RUNDC1: variants seen among roughly 807,000 people sequenced by gnomAD.
RUNDC1 encodes the protein RUN domain-containing protein 1.
In RUNDC1, 31 loss-of-function variants were observed where a neutral mutation model predicts 49.3. The observed-to-expected ratio is 0.63, with a 90% CI of 0.47 to 0.85. The LOEUF is 0.85. Ranked by LOEUF, RUNDC1 falls within the 40% of genes least tolerant of loss-of-function variation. RUNDC1 has a pLI of 0.00. For synonymous variants in RUNDC1, 347 were observed against 348.6 expected (o/e 1.00, Z 0.05); for missense variants, 715 against 806.7 (o/e 0.89, Z 1.38).
At chr17:42,982,189 A>G (rs1291595033) in intron 1 of RUNDC1, among the ~76,000 whole-genome samples, 1 of 149,134 alleles carries the variant, frequency 6.7e-6, no homozygotes, top group Non-Finnish European at 1.5e-5. Flanking sequence ...GTTTCACCAC[A>G]TTGCCCAGGC....
chr17:42,983,038 G>A (rs1225457159), intron 1 of RUNDC1, among the ~76,000 whole-genome samples: 1 of 150,372 alleles, frequency 6.7e-6, no homozygotes, highest in East Asian at 1.9e-4. Context: ...AAAAGACTGT[G>A]TGCAGTGGCT....
intron 1 of RUNDC1, 125 bp from the exon 2 acceptor site, chr17:42,987,131 G>A (rs1417295282): frequency 1.6e-6 from 1 of 642,364 alleles, no homozygotes; most frequent in Non-Finnish European, 2.7e-6. Context: ...TATGAATTGT[G>A]TATTTCATTT....
At position 42,990,966 on chromosome 17, in the gene RUNDC1, C is replaced by G. The variant is rs1340979240; in HGVS notation, c.1092C>G (p.Ile364Met). 6 of 1,614,102 alleles carry G rather than the reference C, an allele frequency of 3.7e-6. No individual in the cohort carries two copies. Among genetic ancestry groups the G allele is most frequent in the Non-Finnish European group, 5.1e-6 (6 of 1,179,950 alleles). ...AGTTTGGTTGTGCCACAGGCCAGATCCCTCCAACCCTGTGGCAGAGGGTCC... is the reference window on the plus strand; with the variant it reads ...AGTTTGGTTGTGCCACAGGCCAGATGCCTCCAACCCTGTGGCAGAGGGTCC... ...VSQFGCATGQ[I>M]PPTLWQRVQA... Residue 364 changes from isoleucine (I) to methionine (M), a missense_variant, in exon 5 of 5, where the codon ATC (isoleucine) becomes ATG (methionine). Physicochemically the swap from Ile to Met is conservative, Grantham distance 10. Transcript: ENST00000361677.
In RUNDC1 at chr17:42,980,600, A is replaced by C. The variant is rs1042094571; in HGVS notation, c.24A>C (p.Ala8=). The change falls in exon 1 of 5, where the codon GCA becomes GCC. Residue 8 remains alanine (A), a synonymous_variant. Coordinates refer to ENST00000361677, the MANE Select transcript of RUNDC1 (RefSeq NM_173079.5). ...AGATGGCGGCTGTCGAAGCGGCTGC[A>C]GAGCCGGTAACGGTGGTGGCGGCTG... MAAVEAA[A]EPVTVVAAVG... is the part of the protein sequence containing the mutation. 4 of 1,609,722 alleles carry C rather than the reference A, an allele frequency of 2.5e-6. No individual in the cohort carries two copies. In the Admixed American group the frequency reaches 5.0e-5, roughly 20 times the overall value.
rs911825003 is a variant in RUNDC1, at chr17:42,994,178, C to G, written c.*2462C>G. 3.9e-5 allele frequency among the ~76,000 whole-genome samples: 6 copies of G among 152,228 alleles called. No individual in the cohort carries two copies. The highest frequency in any genetic ancestry group is 1.4e-4 in the African/African-American group (6 of 41,460). On this transcript the variant is annotated 3_prime_UTR_variant, in exon 5 of 5. Coordinates refer to ENST00000361677, the MANE Select transcript of RUNDC1 (RefSeq NM_173079.5). ...CAGCCAGGATTGGCACTTTTAAATC[C>G]ACTTGTCTGGATATCACTTTGGGTG... is the stretch of plus-strand genomic sequence containing the variant.
Position 42,994,975 on chromosome 17 carries a change from A to G in RUNDC1, c.*3259A>G, listed in dbSNP as rs2050288181. On this transcript the variant is annotated 3_prime_UTR_variant, in exon 5 of 5. Coordinates refer to ENST00000361677, the MANE Select transcript of RUNDC1 (RefSeq NM_173079.5). ...TTAAAGCCGTCTAAGGTGCTCTCCAATCATTCATTCACTATTGATCACTTA... is the reference window on the plus strand; with the variant it reads ...TTAAAGCCGTCTAAGGTGCTCTCCAGTCATTCATTCACTATTGATCACTTA... 6.6e-6 allele frequency among the ~76,000 whole-genome samples: 1 copy of G among 152,182 alleles called. No homozygotes were observed. The highest frequency in any genetic ancestry group is 1.5e-5 in the Non-Finnish European group (1 of 68,042).
At chr17:42,982,467 A>C (rs779457736) in intron 1 of RUNDC1, among the ~76,000 whole-genome samples, 1 of 152,126 alleles carries the variant, frequency 6.6e-6, no homozygotes, top group Non-Finnish European at 1.5e-5. Context: ...AACTCCTTAC[A>C]CAAGGAGCAG....
rs2050227249 is a variant in RUNDC1, at chr17:42,990,727, G to A, written c.977-124G>A. On this transcript the variant is annotated intron_variant, in intron 4 of 4. Transcript: ENST00000361677. ...AAAAAGGAAGTCCAGCTACATCCTG[G>A]GTGGCTCTTGCCTTCATGTGAGACC... 1.1e-5 allele frequency: 12 copies of A among 1,137,902 alleles called. No individual in the cohort carries two copies. The East Asian group carries it at 2.8e-4, about 27-fold the overall frequency. The allele number at this position is 1,137,902 out of a possible 1,614,324, so 70.5% of individuals were successfully genotyped here.
chr17:42,982,819 CAAAAAA>C (rs59693674), intron 1 of RUNDC1, among the ~76,000 whole-genome samples: 1 of 118,616 alleles, frequency 8.4e-6, no homozygotes, highest in African/African-American at 3.2e-5. Context: ...ACTAAAAATA[CAAAAAA>C]AAAAAAAAAA....
rs772338809 is a variant in RUNDC1 at position 42,990,349 on chromosome 17, G to A, written c.889G>A (p.Gly297Arg). Residue 297 changes from glycine (G) to arginine (R), a missense_variant, in exon 4 of 5, where the codon GGA becomes AGA. Gly to Arg is a moderately radical substitution (Grantham distance 125, BLOSUM62 -2). Transcript: ENST00000361677. ...GGGAAGCCCCTTGCAGACAGGTGGT[G>A]GACACTGTGAGTGCAAGGCCGGTGG... is the stretch of plus-strand genomic sequence containing the variant. ...EVGSPLQTGG[G>R]HCECKAGGKT... 3.1e-6 allele frequency: 5 copies of A among 1,614,070 alleles called. No individual in the cohort carries two copies. Among genetic ancestry groups the A allele is most frequent in the South Asian group, 2.2e-5 (2 of 91,082 alleles).
rs1264353779 is a variant in RUNDC1 at position 42,994,357 on chromosome 17, G to T, written c.*2641G>T. On this transcript the variant is annotated 3_prime_UTR_variant, in exon 5 of 5. Coordinates refer to ENST00000361677, the MANE Select transcript of RUNDC1 (RefSeq NM_173079.5). ...TAATTAAATTCTCACTACTTACAAA[G>T]TGGGACAGTATTATCCCCACTTTAC... 1.3e-5 allele frequency among the ~76,000 whole-genome samples: 2 copies of T among 152,200 alleles called. No homozygotes were observed. Among genetic ancestry groups the T allele is most frequent in the African/African-American group, 2.4e-5 (1 of 41,434 alleles).
At position 42,987,277 on chromosome 17, in the gene RUNDC1, C is replaced by A. The variant is rs769587764; in HGVS notation, c.520C>A (p.Arg174Ser). The change falls in exon 2 of 5, where the codon CGT becomes AGT. Residue 174 changes from arginine to serine, a missense_variant. Transcript: ENST00000361677. ...TTAGAGTGAGCAGGAAAAGCAAGAGCGTCTGGAAACCCAAAGGGAGAAGCA... is the reference window on the plus strand; with the variant it reads ...TTAGAGTGAGCAGGAAAAGCAAGAGAGTCTGGAAACCCAAAGGGAGAAGCA... ...EDQSEQEKQE[R>S]LETQREKQKE... 6.2e-7 allele frequency: 1 copy of A among 1,613,960 alleles called. No individual in the cohort carries two copies. Among genetic ancestry groups the A allele is most frequent in the East Asian group, 2.2e-5 (1 of 44,886 alleles).
intron 1 of RUNDC1, among the ~76,000 whole-genome samples, chr17:42,982,443 C>T (rs914314092): frequency 6.6e-6 from 1 of 152,146 alleles, no homozygotes; most frequent in Non-Finnish European, 1.5e-5. Flanking sequence ...TTCCACCCTT[C>T]TCCACATACC....
At chr17:42,988,460 C>T (rs1478443642) in intron 2 of RUNDC1, among the ~76,000 whole-genome samples, 3 of 151,414 alleles carry the variant, frequency 2.0e-5, no homozygotes, top group Non-Finnish European at 4.4e-5. Context: ...ACCATGTTGG[C>T]CAGGCTGGTC....
intron 4 of RUNDC1, 99 bp downstream of exon 4, chr17:42,990,535 A>C: frequency 8.3e-7 from 1 of 1,208,150 alleles, no homozygotes; most frequent in Non-Finnish European, 1.2e-6. Context: ...GGGAATGAGA[A>C]ATGCTGATGG....
Position 42,993,715 on chromosome 17 carries a change from G to C in RUNDC1, c.*1999G>C, listed in dbSNP as rs766982332. On this transcript the variant is annotated 3_prime_UTR_variant, in exon 5 of 5. Coordinates refer to ENST00000361677, the MANE Select transcript of RUNDC1 (RefSeq NM_173079.5). ...GCCTGTATCCTCTGTCCTCTGTTAC[G>C]GATCATCTCAGCTTTGGTGGTGGTA... The C allele has an allele frequency of 2.6e-5, 4 of 151,988 alleles. No individual in the cohort carries two copies. The highest frequency in any genetic ancestry group is 5.9e-5 in the Non-Finnish European group (4 of 68,018). The allele number at this position is 151,988 out of a possible 1,614,324, so 9.4% of individuals were successfully genotyped here.
chr17:42,983,817 G>A lies in RUNDC1; in HGVS notation c.498+2743G>A, dbSNP rs534515946. ...TTCCCAAGTAGCTGGGACTACAGGT[G>A]CCCGTCACCACGCCTGGCTAATTTT... On this transcript the variant is annotated intron_variant, in intron 1 of 4. Coordinates refer to ENST00000361677, the MANE Select transcript of RUNDC1 (RefSeq NM_173079.5). Among the ~76,000 whole-genome samples, 8 of 151,920 alleles carry A rather than the reference G, an allele frequency of 5.3e-5. No individual in the cohort carries two copies. In the South Asian group the frequency reaches 1.5e-3, roughly 28 times the overall value.
chr17:42,985,580 C>A (rs1011433106), intron 1 of RUNDC1: 248 of 539,120 alleles, frequency 4.6e-4, no homozygotes, highest in Admixed American at 2.8e-3. Context: ...AATACTTAAA[C>A]AAAAAGTTAA....
chr17:42,980,780 C>G lies in RUNDC1; in HGVS notation c.204C>G (p.Ala68=). 1 of 1,430,272 alleles carries G rather than the reference C, an allele frequency of 7.0e-7. No homozygotes were observed. Among genetic ancestry groups the G allele is most frequent in the African/African-American group, 1.5e-5 (1 of 66,568 alleles). The allele number at this position is 1,430,272 out of a possible 1,614,324, so 88.6% of individuals were successfully genotyped here. ...CGACGGCCGAGGAGCCTGGCGCGGCCCCGGGCTCCCCGCCGGATTCGCCGG... is the reference window on the plus strand; with the variant it reads ...CGACGGCCGAGGAGCCTGGCGCGGCGCCGGGCTCCCCGCCGGATTCGCCGG... The part of the protein sequence containing the change: ...EEATAEEPGA[A]PGSPPDSPGR... The change falls in exon 1 of 5, where the codon GCC becomes GCG. Residue 68 remains alanine (A), a synonymous_variant. Coordinates refer to ENST00000361677, the MANE Select transcript of RUNDC1 (RefSeq NM_173079.5).
Sources: allele counts gnomAD v4.1 joint callset (sites outside exome capture counted in the v4.1 genomes callset), GRCh38; gene constraint gnomAD v4.1.1; transcripts MANE v1.5; gene names NCBI Gene and HGNC (gene_info 2026-07-23, HGNC 2026-07-21).